Variants in DNAJC13 observed in about 807,000 individuals in gnomAD.
DNAJC13 encodes DnaJ heat shock protein family (Hsp40) member C13.
A neutral mutation model predicts 290.5 loss-of-function variants in DNAJC13; 75 were observed. The ratio of observed to expected loss-of-function variants is 0.26; its 90% CI spans 0.21 to 0.31. The LOEUF is 0.31. Ranked by LOEUF, DNAJC13 falls within the 10% of genes least tolerant of loss-of-function variation. DNAJC13 has a pLI of 1.00. For synonymous variants in DNAJC13, 862 were observed against 892.0 expected, an observed-to-expected ratio of 0.97 and a Z score of 0.60; for missense variants, 2,260 against 2,674.5, an observed-to-expected ratio of 0.85 and a Z score of 3.42.
intron 55 of DNAJC13, 83 bp from the exon 56 acceptor site, chr3:132,538,093 A>AG: frequency 9.6e-7 from 1 of 1,044,786 alleles, no homozygotes; most frequent in African/African-American, 1.6e-5. Context: ...GGAGTGCCTG[A>AG]GCAGGTTCTG....
intron 48 of DNAJC13, among the ~76,000 whole-genome samples, chr3:132,517,694 C>A (rs958649834): frequency 5.9e-5 from 9 of 152,120 alleles, no homozygotes; most frequent in African/African-American, 2.2e-4. Context: ...AGGCTAAGAT[C>A]CCCTACCTCT....
chr3:132,495,636 A>G (rs1435050155), intron 35 of DNAJC13, among the ~76,000 whole-genome samples: 1 of 152,126 alleles, frequency 6.6e-6, no homozygotes, highest in Non-Finnish European at 1.5e-5. Context: ...ACCTCATCCA[A>G]TGATGTTTCA....
chr3:132,537,091 A>G (rs1030907664), intron 55 of DNAJC13: 5 of 455,884 alleles, frequency 1.1e-5, no homozygotes, highest in Admixed American at 4.7e-5. Flanking sequence ...TACCTTCATC[A>G]AACTACTCTG....
At chr3:132,524,513 G>A (rs1205375205) in intron 51 of DNAJC13, among the ~76,000 whole-genome samples, 1 of 152,222 alleles carries the variant, frequency 6.6e-6, no homozygotes, top group African/African-American at 2.4e-5. Flanking sequence ...GTTCTGATGA[G>A]TTAATACATA....
rs1175881985 is a variant in DNAJC13, at chr3:132,475,156, T to G, written c.2445+71T>G. ...TGTACTATTTGGGGAGTGATTTTTT[T>G]TAAAAAAATTTGTAATTACATATCT... On this transcript the variant is annotated intron_variant, in intron 22 of 55. Coordinates refer to ENST00000260818, the MANE Select transcript of DNAJC13 (RefSeq NM_015268.4). 3 of 1,232,190 alleles carry G rather than the reference T, an allele frequency of 2.4e-6. No homozygotes were observed. The East Asian group carries it at 7.9e-5, about 32-fold the overall frequency. 76.3% of individuals were successfully genotyped at this position (1,232,190 alleles called of 1,614,324 possible).
chr3:132,515,377 T>C (rs1219529517), intron 46 of DNAJC13, among the ~76,000 whole-genome samples: 1 of 152,188 alleles, frequency 6.6e-6, no homozygotes, highest in Non-Finnish European at 1.5e-5. Context: ...GTTCATCTTA[T>C]ATACCAGTGG....
intron 19 of DNAJC13, 60 bp from the exon 20 acceptor site, chr3:132,467,110 A>G (rs1934021974): frequency 7.1e-6 from 11 of 1,548,024 alleles, no homozygotes; most frequent in Middle Eastern, 1.9e-4. Flanking sequence ...TCAGCTTTAC[A>G]TAGAGTTTTA....
intron 48 of DNAJC13, among the ~76,000 whole-genome samples, chr3:132,520,330 GCCC>G (rs1936053197): frequency 6.6e-6 from 1 of 151,982 alleles, no homozygotes; most frequent in African/African-American, 2.4e-5. Context: ...TTTTTTGCCA[GCCC>G]CTGTTCTAGG....
intron 41 of DNAJC13, 92 bp from the exon 42 acceptor site, chr3:132,505,210 T>C (rs1470019392): frequency 9.5e-6 from 7 of 739,516 alleles, no homozygotes; most frequent in South Asian, 4.8e-5. Context: ...GCAACTATTA[T>C]AGTGTTTGGC....
chr3:132,499,594 T>TTAA lies in DNAJC13; in HGVS notation c.4342-139_4342-138insAAT, dbSNP rs1296637977. On this transcript the variant is annotated intron_variant, in intron 37 of 55. Coordinates refer to ENST00000260818, the MANE Select transcript of DNAJC13 (RefSeq NM_015268.4). ...ACTTTTAGGAGTCCTTTGTTTACTA[T>TTAA]TTATTAACAAATGTTGATCAAACAT... The TTAA allele has an allele frequency of 5.1e-6, 4 of 777,080 alleles. No individual in the cohort carries two copies. In the East Asian group the frequency reaches 1.0e-4, roughly 20 times the overall value. The allele number at this position is 777,080 out of a possible 1,614,324, so 48.1% of individuals were successfully genotyped here. A position where few individuals can be genotyped will look rare whatever the true frequency, so the allele number is the denominator to read the frequency against.
chr3:132,495,247 C>G, intron 35 of DNAJC13, 81 bp downstream of exon 35: 1 of 1,094,140 alleles, frequency 9.1e-7, no homozygotes, highest in African/African-American at 1.6e-5. Context: ...ATATTACCTT[C>G]TGTGCCAGTA....
intron 31 of DNAJC13, 109 bp from the exon 32 acceptor site, chr3:132,490,788 C>A: frequency 8.8e-7 from 1 of 1,136,708 alleles, no homozygotes; most frequent in Non-Finnish European, 1.2e-6. Flanking sequence ...GCAATTTGTT[C>A]CAATTGTGTT....
At chr3:132,478,429 GA>G (rs1057207972) in intron 24 of DNAJC13, among the ~76,000 whole-genome samples, 50 of 152,264 alleles carry the variant, frequency 3.3e-4, no homozygotes, top group African/African-American at 1.2e-3. Context: ...GTGTATAAAA[GA>G]AATGGTGACT....
chr3:132,518,320 C>G (rs986884815), intron 48 of DNAJC13, among the ~76,000 whole-genome samples: 1 of 152,166 alleles, frequency 6.6e-6, no homozygotes, highest in Non-Finnish European at 1.5e-5. Flanking sequence ...GTATCAACAC[C>G]TTAATTGCAA....
intron 2 of DNAJC13, among the ~76,000 whole-genome samples, chr3:132,440,277 C>A (rs1204659348): frequency 6.6e-6 from 1 of 152,184 alleles, no homozygotes; most frequent in East Asian, 1.9e-4. Flanking sequence ...GTTATGGCTA[C>A]TTTAAAACAT....
At position 132,460,345 on chromosome 3, in the gene DNAJC13, T is replaced by C. The variant is rs376894390; in HGVS notation, c.1545T>C (p.Phe515=). The C allele has an allele frequency of 1.9e-6, 3 of 1,602,410 alleles. No homozygotes were observed. The highest frequency in any genetic ancestry group is 1.3e-5 in the African/African-American group (1 of 74,582). The change falls in exon 14 of 56, where the codon TTT becomes TTC. Residue 515 remains phenylalanine (F), a synonymous_variant. Coordinates refer to ENST00000260818, the MANE Select transcript of DNAJC13 (RefSeq NM_015268.4). ...TTCTGGAAAACTTACTGGAGAAATTTAATTCCCATGTGGTAAGTTATAATT... is the reference window on the plus strand; with the variant it reads ...TTCTGGAAAACTTACTGGAGAAATTCAATTCCCATGTGGTAAGTTATAATT... The part of the protein sequence containing the change: ...KKFLENLLEK[F]NSHVDHGTGA...
At chr3:132,462,427 CTTTT>C in intron 15 of DNAJC13, 36 bp from the exon 16 acceptor site, 1 of 1,574,028 alleles carries the variant, frequency 6.4e-7, no homozygotes, top group Non-Finnish European at 8.7e-7. Context: ...GAATAAAATT[CTTTT>C]TTATTTTTTG....
chr3:132,448,276 C>T (rs1933317913), intron 5 of DNAJC13, among the ~76,000 whole-genome samples: 1 of 152,116 alleles, frequency 6.6e-6, no homozygotes, highest in African/African-American at 2.4e-5. Flanking sequence ...CATGTTGGAA[C>T]ATTCATTCAT....
At chr3:132,506,108 A>G (rs886946454) in intron 42 of DNAJC13, among the ~76,000 whole-genome samples, 19 of 124,672 alleles carry the variant, frequency 1.5e-4, no homozygotes, top group African/African-American at 5.8e-4. Flanking sequence ...GCTGGAGTGC[A>G]ATGGCATGAT....
Sources: allele counts gnomAD v4.1 joint callset (sites outside exome capture counted in the v4.1 genomes callset), GRCh38; gene constraint gnomAD v4.1.1; transcripts MANE v1.5; gene names NCBI Gene and HGNC (gene_info 2026-07-23, HGNC 2026-07-21).